DHTKD1: variants seen among roughly 807,000 people sequenced by gnomAD.
DHTKD1 encodes the protein dehydrogenase E1 and transketolase domain containing 1.
DHTKD1 carries 78 observed loss-of-function variants against 101.8 expected under a neutral mutation model. The ratio of observed to expected loss-of-function variants is 0.77; its 90% CI spans 0.64 to 0.93. The LOEUF is 0.93. DHTKD1 is among the 40% of genes least tolerant of loss of function. The pLI is 0.00. For missense variants in DHTKD1, 1,223 were observed against 1,161.7 expected, an observed-to-expected ratio of 1.05 and a Z score of -0.77; for synonymous variants, 462 against 450.3, an observed-to-expected ratio of 1.03 and a Z score of -0.33.
intron 3 of DHTKD1, 36 bp downstream of exon 3, chr10:12,084,787 A>C (rs1302403993): frequency 6.3e-7 from 1 of 1,594,942 alleles, no homozygotes; most frequent in Non-Finnish European, 8.6e-7. Context: ...ACGGTGGCTC[A>C]TGCCTGTAAT....
At chr10:12,095,732 G>A (rs892870977) in intron 7 of DHTKD1, among the ~76,000 whole-genome samples, 4 of 143,128 alleles carry the variant, frequency 2.8e-5, no homozygotes, top group African/African-American at 7.6e-5. Context: ...AGAATGGCGT[G>A]AACCCGGGAG....
rs1349554942 is a variant in DHTKD1, at chr10:12,121,054, T to C, written c.*166T>C. 1 of 492,482 alleles carries C rather than the reference T, an allele frequency of 2.0e-6. No homozygotes were observed. The highest frequency in any genetic ancestry group is 3.7e-6 in the Non-Finnish European group (1 of 269,484). The allele number at this position is 492,482 out of a possible 1,614,324, so 30.5% of individuals were successfully genotyped here. A position where few individuals can be genotyped will look rare whatever the true frequency, so the allele number is the denominator to read the frequency against. On this transcript the variant is annotated 3_prime_UTR_variant, in exon 17 of 17. Transcript: ENST00000263035. ...GGCCAACACGGTGAAACCCCGCCTCTACTAAAAATACAAAAAATAGCCGGG... is the reference window on the plus strand; with the variant it reads ...GGCCAACACGGTGAAACCCCGCCTCCACTAAAAATACAAAAAATAGCCGGG...
intron 7 of DHTKD1, among the ~76,000 whole-genome samples, chr10:12,095,024 A>G (rs1040357909): frequency 1.3e-5 from 2 of 152,228 alleles, no homozygotes; most frequent in Non-Finnish European, 2.9e-5. Flanking sequence ...AGATTGAAGC[A>G]GGGGGAATTA....
At chr10:12,089,850 T>C (rs1447566943) in intron 5 of DHTKD1, among the ~76,000 whole-genome samples, 3 of 152,000 alleles carry the variant, frequency 2.0e-5, no homozygotes, top group Non-Finnish European at 4.4e-5. Context: ...TTTGTATTTT[T>C]AGTAGAGACA....
rs530349356 is a variant in DHTKD1 at position 12,104,950 on chromosome 10, A to G, written c.1897-1296A>G. Reference sequence around the variant, plus strand: ...AGTGCAGTGGCACAATCTCGGCTCAATGCAACCTCCACCTCCCAGGTTCAA... The same window carrying G: ...AGTGCAGTGGCACAATCTCGGCTCAGTGCAACCTCCACCTCCCAGGTTCAA... On this transcript the variant is annotated intron_variant, in intron 10 of 16. Coordinates refer to ENST00000263035, the MANE Select transcript of DHTKD1 (RefSeq NM_018706.7). Among the ~76,000 whole-genome samples the G allele has an allele frequency of 2.7e-4, 41 of 151,022 alleles. 1 individual carries two copies. Among genetic ancestry groups the G allele is most frequent in the African/African-American group, 9.2e-4 (38 of 41,152 alleles).
intron 1 of DHTKD1, among the ~76,000 whole-genome samples, chr10:12,075,294 C>A (rs1832708574): frequency 6.6e-6 from 1 of 152,130 alleles, no homozygotes; most frequent in Non-Finnish European, 1.5e-5. Flanking sequence ...ATTATCCTGC[C>A]TCAGCCTCCA....
intron 14 of DHTKD1, 34 bp from the exon 15 acceptor site, chr10:12,118,715 T>TC: frequency 6.9e-7 from 1 of 1,443,128 alleles, no homozygotes; most frequent in African/African-American, 1.5e-5. Context: ...AAAAAATTTC[T>TC]CCCCCACCCT....
Position 12,117,677 on chromosome 10 carries a change from C to T in DHTKD1, c.2324C>T (p.Ala775Val), listed in dbSNP as rs1179775657. The change falls in exon 14 of 17, where the codon GCC becomes GTC. Residue 775 changes from alanine (A) to valine (V), a missense_variant. Ala to Val is a moderately conservative substitution (Grantham distance 64). Transcript: ENST00000263035. ...SPKMLLRLPA[A>V]VSTLQEMAPG... Reference sequence around the variant, plus strand: ...GTGGCCTCTTCTCCCTCGTAGGCAGCCGTGTCAACTCTTCAAGAAATGGCA... The same window carrying T: ...GTGGCCTCTTCTCCCTCGTAGGCAGTCGTGTCAACTCTTCAAGAAATGGCA... The T allele has an allele frequency of 1.3e-6, 2 of 1,590,918 alleles. No individual in the cohort carries two copies. The highest frequency in any genetic ancestry group is 8.6e-7 in the Non-Finnish European group (1 of 1,164,556).
chr10:12,106,688 G>A (rs1015013946), intron 11 of DHTKD1, among the ~76,000 whole-genome samples: 9 of 152,162 alleles, frequency 5.9e-5, no homozygotes, highest in African/African-American at 1.4e-4. Flanking sequence ...GAAAGCTTCC[G>A]AAGCAGTACC....
intron 13 of DHTKD1, among the ~76,000 whole-genome samples, chr10:12,116,873 T>C (rs1395118956): frequency 6.6e-6 from 1 of 151,922 alleles, no homozygotes; most frequent in Admixed American, 6.6e-5. Context: ...CCAATTTTTG[T>C]ATTTTTTTGT....
In DHTKD1 at chr10:12,112,946, T is replaced by C; in HGVS notation, c.2201T>C (p.Met734Thr). The stretch of plus-strand genomic sequence containing the variant: ...GGGGTGGACGGAGACACTGTGAACA[T>C]GTTTGTGGTTCACCCAACAACTCCT... Reference protein sequence around the residue: ...EEGVDGDTVNMFVVHPTTPAQ... With the variant: ...EEGVDGDTVNTFVVHPTTPAQ... The change falls in exon 13 of 17, where the codon ATG becomes ACG. Residue 734 changes from methionine (M) to threonine (T), a missense_variant. Met to Thr is a moderately conservative substitution (Grantham distance 81). Transcript: ENST00000263035. 1 of 1,613,568 alleles carries C rather than the reference T, an allele frequency of 6.2e-7. No homozygotes were observed. Among genetic ancestry groups the C allele is most frequent in the Non-Finnish European group, 8.5e-7 (1 of 1,179,764 alleles).
intron 12 of DHTKD1, among the ~76,000 whole-genome samples, chr10:12,111,909 GTCTC>G (rs1833336227): frequency 6.6e-6 from 1 of 152,130 alleles, no homozygotes; most frequent in Non-Finnish European, 1.5e-5. Flanking sequence ...ATTTTGTGTT[GTCTC>G]CAGCTACTTT....
intron 14 of DHTKD1, 151 bp from the exon 15 acceptor site, chr10:12,118,598 G>T (rs1246945038): frequency 2.3e-6 from 1 of 432,614 alleles, no homozygotes; most frequent in Non-Finnish European, 4.2e-6. Flanking sequence ...TAGCCAGGAT[G>T]GTCTTGATTT....
rs1832917380 is a variant in DHTKD1, at chr10:12,087,322, T to A, written c.523-213T>A. Among the ~76,000 whole-genome samples the A allele has an allele frequency of 6.6e-6, 1 of 152,066 alleles. No individual in the cohort carries two copies. The highest frequency in any genetic ancestry group is 6.6e-5 in the Admixed American group (1 of 15,246). ...GGGTGAGTTATTCTGCCGCTCAGGT[T>A]ATTCTCCTCAGCCCCTCCTACTGTC... On this transcript the variant is annotated intron_variant, in intron 3 of 16. Transcript: ENST00000263035. The surrounding 1 kb of genome is among the most constrained non-coding windows in gnomAD (Gnocchi z 5.2).
At position 12,100,145 on chromosome 10, in the gene DHTKD1, C is replaced by T. The variant is rs151088954; in HGVS notation, c.1672-33C>T. 3.2e-4 allele frequency: 409 copies of T among 1,276,616 alleles called. 2 individuals are homozygous for T. The African/African-American group carries it at 3.9e-3, about 12-fold the overall frequency. 79.1% of individuals were successfully genotyped at this position (1,276,616 alleles called of 1,614,324 possible). ...GTGAAAAAGGAAATGGACTCTTAGACGTTCCTTTTTTTTCTTCCTCTGAAT... is the reference window on the plus strand; with the variant it reads ...GTGAAAAAGGAAATGGACTCTTAGATGTTCCTTTTTTTTCTTCCTCTGAAT... On this transcript the variant is annotated intron_variant, in intron 8 of 16. Transcript: ENST00000263035.
chr10:12,101,292 A>G, intron 10 of DHTKD1, 111 bp downstream of exon 10: 1 of 1,258,634 alleles, frequency 7.9e-7, no homozygotes, highest in Non-Finnish European at 1.1e-6. Context: ...GTACTTTTGG[A>G]AGTAAAGGAG....
chr10:12,100,960 A>G, intron 9 of DHTKD1, 82 bp from the exon 10 acceptor site: 1 of 1,400,906 alleles, frequency 7.1e-7, no homozygotes, highest in South Asian at 1.3e-5. Flanking sequence ...GGATTAAGCC[A>G]GTATATAAGA....
chr10:12,084,635 CAACT>C lies in DHTKD1; in HGVS notation c.407_410del (p.Gln136LeufsTer33), dbSNP rs770329984. 9.3e-6 allele frequency: 15 copies of C among 1,614,002 alleles called. No homozygotes were observed. The highest frequency in any genetic ancestry group is 1.3e-5 in the Non-Finnish European group (15 of 1,179,924). On this transcript the variant is annotated frameshift_variant, in exon 3 of 17. Transcript: ENST00000263035. LOFTEE classifies it high-confidence loss of function. Reference sequence around the variant, plus strand: ...TGGGCAGATTTCTATTGAAACCTCCCAACTTCAGAGCCAGGATGAGAAAGACTGG... The same window carrying C: ...TGGGCAGATTTCTATTGAAACCTCCCTCAGAGCCAGGATGAGAAAGACTGG...
At chr10:12,092,222 A>T (rs899679912) in intron 6 of DHTKD1, among the ~76,000 whole-genome samples, 2 of 152,000 alleles carry the variant, frequency 1.3e-5, no homozygotes, top group Non-Finnish European at 2.9e-5. Context: ...ACCTCTGGTG[A>T]TCTGCCTGCT....
Sources: allele counts gnomAD v4.1 joint callset (sites outside exome capture counted in the v4.1 genomes callset), GRCh38; gene constraint gnomAD v4.1.1; non-coding constraint Gnocchi (gnomAD v3.1); transcripts MANE v1.5; gene names NCBI Gene and HGNC (gene_info 2026-07-23, HGNC 2026-07-21).